The following STARD9 variants were observed in gnomAD, a reference collection of about 807,000 sequenced individuals.
The protein encoded by STARD9 is StAR related lipid transfer domain containing 9.
A neutral mutation model predicts 399.8 loss-of-function variants in STARD9; 346 were observed. The observed-to-expected ratio is 0.87, with a 90% confidence interval of 0.79 to 0.95. STARD9 has a LOEUF of 0.95. Among genes scored for constraint, STARD9 ranks in the 40% least tolerant of loss-of-function variants. The pLI, the probability that STARD9 is intolerant of heterozygous loss-of-function variation, is 0.00. For synonymous variants in STARD9, 2,203 were observed against 2,143.5 expected, an observed-to-expected ratio of 1.03 and a Z score of -0.77; for missense variants, 5,832 against 5,667.5, an observed-to-expected ratio of 1.03 and a Z score of -0.93.
chr15:42,660,368 C>T (rs1018943585), intron 9 of STARD9, among the ~76,000 whole-genome samples: 4 of 151,830 alleles, frequency 2.6e-5, no homozygotes, highest in Non-Finnish European at 5.9e-5. Context: ...AGTTCAAGAC[C>T]AGCCTGGCCA....
rs1385465573 is a variant in STARD9, at chr15:42,693,181, G to A, written c.11603G>A (p.Gly3868Glu). Residue 3868 changes from glycine to glutamate, a missense_variant, in exon 23 of 33, where the codon GGG becomes GAG. Transcript: ENST00000290607. Reference protein sequence around the residue: ...SPSPSSPHSPGLFPSTSEYPG... With the variant: ...SPSPSSPHSPELFPSTSEYPG... ...AGTCCCAGCTCCCCTCATTCCCCAG[G>A]GCTCTTTCCCAGTACTTCCGAGTAT... The A allele has an allele frequency of 1.3e-6, 2 of 1,536,876 alleles. No homozygotes were observed. Among genetic ancestry groups the A allele is most frequent in the African/African-American group, 2.7e-5 (2 of 72,952 alleles).
At chr15:42,699,672 C>T (rs985736820) in intron 26 of STARD9, among the ~76,000 whole-genome samples, 3 of 151,768 alleles carry the variant, frequency 2.0e-5, no homozygotes, top group Non-Finnish European at 2.9e-5. Flanking sequence ...GGATTACAGA[C>T]GTGAGCCACC....
intron 3 of STARD9, chr15:42,630,000 C>CTTTTTT (rs1158967224): frequency 1.2e-4 from 15 of 124,326 alleles, no homozygotes; most frequent in Non-Finnish European, 1.7e-4. Flanking sequence ...TCTTTTTTTT[C>CTTTTTT]TTTTTTTTTT....
chr15:42,615,736 A>G (rs1489309986), intron 3 of STARD9, among the ~76,000 whole-genome samples: 3 of 151,802 alleles, frequency 2.0e-5, no homozygotes, highest in Non-Finnish European at 4.4e-5. Context: ...AAGGAGATAA[A>G]GCGTTCCCAC....
intron 21 of STARD9, 115 bp downstream of exon 21, chr15:42,681,727 G>T: frequency 5.2e-6 from 5 of 956,176 alleles, no homozygotes; most frequent in Non-Finnish European, 6.0e-6. Context: ...GGAATCTTTG[G>T]TATTAGGTGT....
chr15:42,610,895 G>T (rs1182783341), intron 3 of STARD9, among the ~76,000 whole-genome samples: 1 of 152,184 alleles, frequency 6.6e-6, no homozygotes, highest in Non-Finnish European at 1.5e-5. Flanking sequence ...TGAGTTTGTT[G>T]AATGGCTTTA....
At chr15:42,578,214 G>A (rs1304234964) in intron 1 of STARD9, among the ~76,000 whole-genome samples, 1 of 151,702 alleles carries the variant, frequency 6.6e-6, no homozygotes, top group East Asian at 1.9e-4. Flanking sequence ...GGGTTCAAGC[G>A]ATTCTCCTGC....
In STARD9 at chr15:42,686,434, C is replaced by T. The variant is rs566546449; in HGVS notation, c.4856C>T (p.Thr1619Ile). The change falls in exon 23 of 33, where the codon ACA (threonine) becomes ATA (isoleucine). Residue 1619 changes from threonine (T) to isoleucine (I), a missense_variant. Physicochemically the swap from Thr to Ile is moderately conservative, Grantham distance 89. Coordinates refer to ENST00000290607, the MANE Select transcript of STARD9 (RefSeq NM_020759.3). The part of the protein sequence containing the change: ...ATENAIPDSM[T>I]EACEVKQNNL... ...GAGAACGCGATACCAGATTCCATGA[C>T]AGAAGCATGTGAAGTCAAGCAGAAC... 87 of 1,537,748 alleles carry T rather than the reference C, an allele frequency of 5.7e-5. No homozygotes were observed. The Middle Eastern group carries it at 8.3e-4, about 15-fold the overall frequency.
At chr15:42,579,103 TCTC>T (rs1440538760) in intron 1 of STARD9, among the ~76,000 whole-genome samples, 5 of 152,140 alleles carry the variant, frequency 3.3e-5, no homozygotes, top group African/African-American at 1.2e-4. Context: ...GGGGAGTCAT[TCTC>T]CTGGGATTAT....
intron 15 of STARD9, among the ~76,000 whole-genome samples, chr15:42,666,989 G>A (rs1462521355): frequency 1.3e-5 from 2 of 151,504 alleles, no homozygotes; most frequent in South Asian, 2.1e-4. Flanking sequence ...TAATTTCTGC[G>A]TTTTTAGTAG....
chr15:42,639,785 A>G (rs1595688383), intron 7 of STARD9, among the ~76,000 whole-genome samples: 1 of 151,260 alleles, frequency 6.6e-6, no homozygotes, highest in Non-Finnish European at 1.5e-5. Flanking sequence ...AATCACTTAA[A>G]CCTGGGAGGC....
At chr15:42,674,994 A>C (rs1018243288) in intron 18 of STARD9, 30 bp downstream of exon 18, 1 of 1,490,058 alleles carries the variant, frequency 6.7e-7, no homozygotes, top group Non-Finnish European at 8.9e-7. Context: ...TGTTTATCCC[A>C]AGATGAGTGA....
At chr15:42,676,383 G>T (rs2060312545) in intron 20 of STARD9, among the ~76,000 whole-genome samples, 1 of 152,156 alleles carries the variant, frequency 6.6e-6, no homozygotes, top group Non-Finnish European at 1.5e-5. Flanking sequence ...CGTAGTGTAT[G>T]TGAGCTCATA....
chr15:42,605,990 G>A (rs1307888750), intron 3 of STARD9, among the ~76,000 whole-genome samples: 1 of 152,116 alleles, frequency 6.6e-6, no homozygotes, highest in Admixed American at 6.5e-5. Context: ...ATAAACATCT[G>A]GAAACATTCC....
At chr15:42,577,201 T>A (rs1047467460) in intron 1 of STARD9, among the ~76,000 whole-genome samples, 1 of 152,124 alleles carries the variant, frequency 6.6e-6, no homozygotes, top group Non-Finnish European at 1.5e-5. Context: ...TCGCCCAGGC[T>A]GGCGTTGAGT....
intron 9 of STARD9, among the ~76,000 whole-genome samples, chr15:42,656,704 CTAAGT>C (rs1329151480): frequency 6.6e-6 from 1 of 152,148 alleles, no homozygotes; most frequent in African/African-American, 2.4e-5. Flanking sequence ...GACCATTATT[CTAAGT>C]TAAGTGTCTC....
intron 28 of STARD9, 96 bp from the exon 29 acceptor site, chr15:42,717,635 A>C (rs978445916): frequency 1.8e-6 from 2 of 1,111,192 alleles, no homozygotes; most frequent in African/African-American, 3.1e-5. Flanking sequence ...AAAAAAAAAG[A>C]AAAGGGGAAT....
intron 13 of STARD9, among the ~76,000 whole-genome samples, chr15:42,664,410 C>A (rs1238505699): frequency 6.6e-6 from 1 of 152,194 alleles, no homozygotes; most frequent in African/African-American, 2.4e-5. Flanking sequence ...GTTGCCCAGG[C>A]TGGAGTGCAG....
intron 15 of STARD9, among the ~76,000 whole-genome samples, chr15:42,667,511 C>T (rs539233117): frequency 6.2e-5 from 9 of 145,350 alleles, no homozygotes; most frequent in South Asian, 2.2e-4. Flanking sequence ...GACAGAGTTT[C>T]GCTCTTGTCA....
Sources: allele counts gnomAD v4.1 joint callset (sites outside exome capture counted in the v4.1 genomes callset), GRCh38; gene constraint gnomAD v4.1.1; transcripts MANE v1.5; gene names NCBI Gene and HGNC (gene_info 2026-07-23, HGNC 2026-07-21).